Variants in IGSF1 observed in about 807,000 individuals in gnomAD.
IGSF1 encodes immunoglobulin superfamily member 1.
In IGSF1, 40 loss-of-function variants were observed where a neutral mutation model predicts 95.3. The ratio of observed to expected loss-of-function variants is 0.42; its 90% CI spans 0.33 to 0.55. IGSF1 has a LOEUF of 0.55. IGSF1 is among the 20% of genes least tolerant of loss of function. The probability of loss-of-function intolerance (pLI) is 0.10; values close to 1 mark genes in which losing one functional copy is unlikely to be tolerated. For synonymous variants in IGSF1, 372 were observed against 382.9 expected, an observed-to-expected ratio of 0.97 and a Z score of 0.33; for missense variants, 906 against 1,025.4, an observed-to-expected ratio of 0.88 and a Z score of 1.59.
rs201801732 is a variant in IGSF1, at chrX:131,283,174, T to C, written c.758A>G (p.Tyr253Cys). The change falls in exon 6 of 20, where the codon TAT becomes TGT. Residue 253 changes from tyrosine (Y) to cysteine (C), a missense_variant. Physicochemically the swap from Tyr to Cys is radical, Grantham distance 194 (BLOSUM62 -2). Transcript: ENST00000361420. ...CCTCATTAGAGCAAAGGTCATTCCATAGATTGGCCCTTGGCACCTGAGATT... is the reference window on the plus strand; with the variant it reads ...CCTCATTAGAGCAAAGGTCATTCCACAGATTGGCCCTTGGCACCTGAGATT... ...SLNLRCQGPI[Y>C]GMTFALMRVE... 2.5e-4 allele frequency: 296 copies of C among 1,207,927 alleles called. No homozygotes were observed. Among genetic ancestry groups the C allele is most frequent in the Non-Finnish European group, 3.0e-4 (270 of 892,825 alleles).
At chrX:131,282,802 C>A (rs1312424577) in intron 6 of IGSF1, 65 bp from the exon 7 acceptor site, 67 of 1,056,201 alleles carry the variant, frequency 6.3e-5, no homozygotes, top group Non-Finnish European at 8.3e-5. Context: ...CCTTAAGATT[C>A]TTTTCCTTCT....
intron 9 of IGSF1, among the ~76,000 whole-genome samples, chrX:131,279,931 A>G (rs755347599): frequency 5.6e-4 from 63 of 112,040 alleles, no homozygotes; most frequent in Non-Finnish European, 1.1e-3. Flanking sequence ...CCTCACCCAG[A>G]TTATAACTAG....
At chrX:131,288,777 C>A (rs1368345826) in intron 1 of IGSF1, among the ~76,000 whole-genome samples, 2 of 107,914 alleles carry the variant, frequency 1.9e-5, no homozygotes, top group African/African-American at 6.8e-5. Flanking sequence ...CTTTGGCTGC[C>A]TAGCCGTTTT....
chrX:131,287,380 AACTCCCAGAGGTACCCTTC>A (rs2080659143), intron 1 of IGSF1, among the ~76,000 whole-genome samples: 1 of 109,728 alleles, frequency 9.1e-6, no homozygotes, highest in Non-Finnish European at 1.9e-5. Flanking sequence ...CAATGATTTA[AACTCCCAGAGGTACCCTTC>A]ACTCCCTCTT....
intron 4 of IGSF1, 95 bp downstream of exon 4, chrX:131,285,672 A>T (rs4830221): frequency 1.1e-6 from 1 of 950,591 alleles, no homozygotes; most frequent in Non-Finnish European, 1.4e-6. Context: ...TGTGGGATGC[A>T]TGCTTGCATG....
intron 1 of IGSF1, among the ~76,000 whole-genome samples, chrX:131,288,611 T>G (rs1242429483): frequency 9.0e-6 from 1 of 111,544 alleles, no homozygotes; most frequent in East Asian, 2.8e-4. Context: ...CTGGGCTTTT[T>G]GGCATGGCTG....
At chrX:131,275,313 G>T (rs765236073) in intron 16 of IGSF1, 27 bp from the exon 17 acceptor site, 1 of 1,197,790 alleles carries the variant, frequency 8.3e-7, no homozygotes, top group African/African-American at 1.8e-5. Context: ...CCTGGTCAAA[G>T]AGAAGAGGTC....
At position 131,282,489 on chromosome X, in the gene IGSF1, A is replaced by G. The variant is rs1182106275; in HGVS notation, c.1201T>C (p.Ser401Pro). ...GTGTTGTGTGATGGCATCCTAATGG[A>G]GGTCTTCCAGGTGAGAAGATAGTGG... Reference protein sequence around the residue: ...SCHYLLTWKTSIRMPSHNTVE... With the variant: ...SCHYLLTWKTPIRMPSHNTVE... Residue 401 changes from serine (S) to proline (P), a missense_variant, in exon 7 of 20, where the codon TCC (serine) becomes CCC (proline). Physicochemically the swap from Ser to Pro is moderately conservative, Grantham distance 74. This residue lies in a region of IGSF1 where 442 missense variants were observed against 448.1 expected (regional missense o/e 0.99). Transcript: ENST00000361420. 2 of 1,206,999 alleles carry G rather than the reference A, an allele frequency of 1.7e-6. No homozygotes were observed.
At chrX:131,278,401 C>A (rs2080507037) in intron 12 of IGSF1, 60 bp downstream of exon 12, 1 of 1,022,416 alleles carries the variant, frequency 9.8e-7, no homozygotes, top group Non-Finnish European at 1.3e-6. Flanking sequence ...CTCCCAGGAG[C>A]AGTGTTGGAG....
At position 131,278,850 on chromosome X, in the gene IGSF1, C is replaced by T. The variant is rs1267505404; in HGVS notation, c.1751-99G>A. The T allele has an allele frequency of 1.3e-5, 10 of 779,125 alleles. No individual in the cohort carries two copies. The East Asian group carries it at 2.5e-4, about 20-fold the overall frequency. 64.2% of individuals were successfully genotyped at this position (779,125 alleles called of 1,213,427 possible). On this transcript the variant is annotated intron_variant, in intron 11 of 19. Transcript: ENST00000361420. ...TACCCAGATCACACTGCCCACCTCC[C>T]CTTGCAACCCAAATCCAAACCCTTT... is the stretch of plus-strand genomic sequence containing the variant.
Position 131,282,710 on chromosome X carries a change from G to A in IGSF1, c.980C>T (p.Ala327Val). Residue 327 changes from alanine to valine, a missense_variant, in exon 7 of 20, where the codon GCT becomes GTT. This residue lies in a region of IGSF1 where 442 missense variants were observed against 448.1 expected (regional missense o/e 0.99). Transcript: ENST00000361420. ...TDTFPKTWLLARPSAVVQMGQ... is the reference protein window; with the variant it reads ...TDTFPKTWLLVRPSAVVQMGQ... ...CATTTGGACCACAGCACTGGGCCGA[G>A]CAAGTAGCCAGGTCTTGGGGAAAGT... is the stretch of plus-strand genomic sequence containing the variant. The A allele has an allele frequency of 8.3e-7, 1 of 1,208,140 alleles. No individual in the cohort carries two copies. The highest frequency in any genetic ancestry group is 1.1e-6 in the Non-Finnish European group (1 of 893,066).
At chrX:131,284,325 T>A (rs2080603257) in intron 5 of IGSF1, 1 of 164,363 alleles carries the variant, frequency 6.1e-6, no homozygotes, top group Non-Finnish European at 1.0e-5. Context: ...GTAGATCAGA[T>A]AGATACTGTT....
rs373968818 is a variant in IGSF1 at position 131,285,949 on chromosome X, C to T, written c.197G>A (p.Ser66Asn). ...LWCRSPSRISSKFLLLKDKTQ... is the reference protein window; with the variant it reads ...LWCRSPSRISNKFLLLKDKTQ... ...CTTATCCTTCAGCAGCAGGAACTTG[C>T]TTGATATCCGAGAGGGGCTTCGGCA... The change falls in exon 4 of 20, where the codon AGC becomes AAC. Residue 66 changes from serine (S) to asparagine (N), a missense_variant. Ser to Asn is a conservative substitution (Grantham distance 46, BLOSUM62 1). Transcript: ENST00000361420. The T allele has an allele frequency of 8.3e-7, 1 of 1,211,456 alleles. No homozygotes were observed. Among genetic ancestry groups the T allele is most frequent in the Non-Finnish European group, 1.1e-6 (1 of 895,252 alleles).
intron 18 of IGSF1, 131 bp from the exon 19 acceptor site, chrX:131,274,337 G>A (rs1469051220): frequency 2.3e-6 from 2 of 879,291 alleles, no homozygotes; most frequent in African/African-American, 4.0e-5. Flanking sequence ...GACTACAGAG[G>A]GGGTGGGCAG....
chrX:131,285,658 T>C, intron 4 of IGSF1, 109 bp downstream of exon 4: 1 of 887,149 alleles, frequency 1.1e-6, no homozygotes. Flanking sequence ...CCTTATTTAC[T>C]AACTGTGGGA....
Position 131,281,942 on chromosome X carries a change from T to A in IGSF1, c.1249A>T (p.Lys417Ter). The change falls in exon 8 of 20, where the codon AAG (lysine) becomes TAG (stop). Residue 417 changes from lysine (K) to a stop codon, truncating the protein, a stop_gained and splice_region_variant. Transcript: ENST00000361420. LOFTEE classifies it high-confidence loss of function. ...GCTGACAGGGAGGGTTTGGGGGGCT[T>A]ATCTGAAACCAATCCAGAGACCAGA... ...HNTVELMVVDKPPKPSLSAWP... is the reference protein window; with the variant it reads ...HNTVELMVVD 8.3e-7 allele frequency: 1 copy of A among 1,201,486 alleles called. No homozygotes were observed. Among genetic ancestry groups the A allele is most frequent in the Non-Finnish European group, 1.1e-6 (1 of 888,897 alleles).
intron 1 of IGSF1, among the ~76,000 whole-genome samples, chrX:131,287,365 T>C (rs1319001377): frequency 9.1e-6 from 1 of 109,968 alleles, no homozygotes; most frequent in African/African-American, 3.3e-5. Context: ...CCTATGGATC[T>C]AAAACAATGA....
chrX:131,274,987 C>A lies in IGSF1; in HGVS notation c.3472+12G>T. On this transcript the variant is annotated intron_variant, in intron 17 of 19. Coordinates refer to ENST00000361420, the MANE Select transcript of IGSF1 (RefSeq NM_001555.5). ...AAAATCGTGACTTGTACTGAAGTCT[C>A]CAGGACCTTACCAGTCACCCAGATC... is the stretch of plus-strand genomic sequence containing the variant. The A allele has an allele frequency of 8.3e-7, 1 of 1,210,107 alleles. No individual in the cohort carries two copies. The highest frequency in any genetic ancestry group is 1.1e-6 in the Non-Finnish European group (1 of 894,108).
chrX:131,287,939 C>T (rs1317125831), intron 1 of IGSF1, among the ~76,000 whole-genome samples: 1 of 111,762 alleles, frequency 8.9e-6, no homozygotes, highest in Non-Finnish European at 1.9e-5. Context: ...AGGCAGCTCC[C>T]AGAATAGAGA....
Sources: gnomAD v4.1 joint callset for allele counts (sites outside exome capture counted in the v4.1 genomes callset) on GRCh38, gnomAD v4.1.1 for gene constraint, gnomAD v4.1.1 regional missense constraint, MANE v1.5 for transcripts, NCBI Gene and HGNC (gene_info 2026-07-23, HGNC 2026-07-21) for gene names.